The following EFNA5 variants were observed in gnomAD, a reference collection of about 807,000 sequenced individuals.
EFNA5 encodes the protein ephrin-A5.
A neutral mutation model predicts 22.9 loss-of-function variants in EFNA5; 5 were observed. The observed-to-expected ratio is 0.22, with a 90% confidence interval of 0.11 to 0.46. The LOEUF (loss-of-function observed/expected upper bound fraction) is 0.46. EFNA5 is among the 20% of genes least tolerant of loss of function. The pLI, the probability that EFNA5 is intolerant of heterozygous loss-of-function variation, is 0.99. For missense variants in EFNA5, 237 were observed against 293.3 expected (o/e 0.81, Z 1.40); for synonymous variants, 113 against 112.2 (o/e 1.01, Z -0.04).
intron 1 of EFNA5, among the ~76,000 whole-genome samples, chr5:107,576,706 A>C (rs1765322052): frequency 6.6e-6 from 1 of 152,230 alleles, no homozygotes; most frequent in African/African-American, 2.4e-5. Context: ...GGTTCTTATA[A>C]AGCTGCTAAC....
chr5:107,471,120 A>C (rs973933116), intron 1 of EFNA5, among the ~76,000 whole-genome samples: 1 of 152,110 alleles, frequency 6.6e-6, no homozygotes, highest in African/African-American at 2.4e-5. Context: ...CCAGGTTAGG[A>C]ACCCCAGTGA....
chr5:107,596,088 T>G (rs1336087753), intron 1 of EFNA5, among the ~76,000 whole-genome samples: 2 of 152,232 alleles, frequency 1.3e-5, no homozygotes, highest in African/African-American at 4.8e-5. Flanking sequence ...AACATTTTAC[T>G]TAATACTACT....
At chr5:107,398,795 C>A (rs961988710) in intron 2 of EFNA5, among the ~76,000 whole-genome samples, 1 of 142,052 alleles carries the variant, frequency 7.0e-6, no homozygotes, top group Admixed American at 7.5e-5. Context: ...GTCAAAGCTG[C>A]AGTGAGCCGT....
At chr5:107,470,637 C>T (rs755178452) in intron 1 of EFNA5, among the ~76,000 whole-genome samples, 4 of 152,316 alleles carry the variant, frequency 2.6e-5, no homozygotes, top group East Asian at 3.9e-4. Flanking sequence ...TCAATTTCGG[C>T]ACTCCTTCAA....
At chr5:107,575,655 T>C (rs1748912949) in intron 1 of EFNA5, among the ~76,000 whole-genome samples, 1 of 152,152 alleles carries the variant, frequency 6.6e-6, no homozygotes, top group Non-Finnish European at 1.5e-5. Flanking sequence ...CCTACTGAGC[T>C]CAATGAAAAC....
chr5:107,382,753 C>G lies in EFNA5; in HGVS notation c.566-1377G>C, dbSNP rs147059667. On this transcript the variant is annotated intron_variant, in intron 4 of 4. Coordinates refer to ENST00000333274, the MANE Select transcript of EFNA5 (RefSeq NM_001962.3). ...CCCTGTGCAAATTTTATCTCAGCAT[C>G]AGGGTAACTTCCTGCAGGTGTTCAG... Among the ~76,000 whole-genome samples the G allele has an allele frequency of 5.3e-3, 807 of 152,274 alleles. 5 individuals carry two copies. The highest frequency in any genetic ancestry group is 0.018 in the African/African-American group (734 of 41,554).
At chr5:107,436,642 C>A (rs1178238615) in intron 1 of EFNA5, among the ~76,000 whole-genome samples, 2 of 152,076 alleles carry the variant, frequency 1.3e-5, no homozygotes, top group Non-Finnish European at 2.9e-5. Context: ...TTTACACCCC[C>A]CAGCCCCAAC....
intron 1 of EFNA5, among the ~76,000 whole-genome samples, chr5:107,461,687 C>T (rs1749840294): frequency 6.6e-6 from 1 of 152,094 alleles, no homozygotes; most frequent in Admixed American, 6.6e-5. Context: ...CCTGTTATTA[C>T]CTCTTTAAAC....
intron 1 of EFNA5, among the ~76,000 whole-genome samples, chr5:107,434,940 A>C (rs1311549446): frequency 6.6e-6 from 1 of 152,232 alleles, no homozygotes. Flanking sequence ...TCTGAAATTG[A>C]AATGTAAAAG....
Position 107,591,899 on chromosome 5 carries a change from A to T in EFNA5, c.125+78590T>A, listed in dbSNP as rs1262031684. ...AATATATAATATATATATTATATATAATATATAATATAAAAAATATATATA... is the reference window on the plus strand; with the variant it reads ...AATATATAATATATATATTATATATTATATATAATATAAAAAATATATATA... On this transcript the variant is annotated intron_variant, in intron 1 of 4. Transcript: ENST00000333274. Among the ~76,000 whole-genome samples, 15 of 12,344 alleles carry T rather than the reference A, an allele frequency of 1.2e-3. 2 individuals carry two copies. Among genetic ancestry groups the T allele is most frequent in the African/African-American group, 3.7e-3 (6 of 1,628 alleles). 8.1% of individuals were successfully genotyped at this position (12,344 alleles called of 152,430 possible).
chr5:107,482,848 CTCTCTCTCTCTCTCTCTCTCTCTATA>C (rs1438159731), intron 1 of EFNA5, among the ~76,000 whole-genome samples: 9 of 71,374 alleles, frequency 1.3e-4, no homozygotes, highest in Non-Finnish European at 1.1e-4. Context: ...CTCTCTCTCT[CTCTCTCTCTCTCTCTCTCTCTCTATA>C]TATATATATA....
At chr5:107,407,546 G>C (rs763867716) in intron 2 of EFNA5, among the ~76,000 whole-genome samples, 1 of 152,138 alleles carries the variant, frequency 6.6e-6, no homozygotes, top group Non-Finnish European at 1.5e-5. Context: ...CTTATCAAAA[G>C]AAAAGAGAAG....
intron 1 of EFNA5, among the ~76,000 whole-genome samples, chr5:107,638,403 T>A (rs1159385479): frequency 6.6e-6 from 1 of 152,098 alleles, no homozygotes; most frequent in Non-Finnish European, 1.5e-5. Flanking sequence ...TTCAGTTAAG[T>A]GAAATAAGTT....
intron 2 of EFNA5, among the ~76,000 whole-genome samples, chr5:107,402,259 G>T (rs1015815031): frequency 6.6e-6 from 1 of 152,252 alleles, no homozygotes; most frequent in African/African-American, 2.4e-5. Context: ...TTACAAGGAT[G>T]GCATCTAATT....
intron 1 of EFNA5, among the ~76,000 whole-genome samples, chr5:107,669,903 G>A (rs1290753885): frequency 1.3e-5 from 2 of 151,958 alleles, no homozygotes; most frequent in South Asian, 2.1e-4. Context: ...CTCAGGGGCC[G>A]AATGATTTCC....
chr5:107,387,294 C>T lies in EFNA5; in HGVS notation c.506G>A (p.Gly169Asp), dbSNP rs1747652097. ...AACATCGAAAACACGATCATGAACA[C>T]CTATAGTTTTCATACAGCTATCTAT... ...RPTNSCMKTI[G>D]VHDRVFDVND... is the part of the protein sequence containing the mutation. Residue 169 changes from glycine (G) to aspartate (D), a missense_variant, in exon 4 of 5, where the codon GGT (glycine) becomes GAT (aspartate). By Grantham distance (94) the Gly-to-Asp change is moderately conservative. This residue lies in a region of EFNA5 where 104 missense variants were observed against 114.5 expected (regional missense o/e 0.91). Transcript: ENST00000333274. 9 of 1,602,212 alleles carry T rather than the reference C, an allele frequency of 5.6e-6. No individual in the cohort carries two copies. Among genetic ancestry groups the T allele is most frequent in the Non-Finnish European group, 7.7e-6 (9 of 1,172,456 alleles).
At chr5:107,506,831 A>C (rs1165309780) in intron 1 of EFNA5, among the ~76,000 whole-genome samples, 5 of 152,228 alleles carry the variant, frequency 3.3e-5, no homozygotes, top group East Asian at 1.9e-4. Context: ...AAGGAAAAAG[A>C]CAGCTGAAAC....
chr5:107,546,004 G>A (rs1037956821), intron 1 of EFNA5, among the ~76,000 whole-genome samples: 6 of 152,060 alleles, frequency 3.9e-5, no homozygotes, highest in African/African-American at 1.4e-4. Flanking sequence ...CAAATAACAT[G>A]CCTGCAATCA....
At chr5:107,628,372 A>G (rs1040038277) in intron 1 of EFNA5, among the ~76,000 whole-genome samples, 1 of 152,204 alleles carries the variant, frequency 6.6e-6, no homozygotes, top group Non-Finnish European at 1.5e-5. Flanking sequence ...TACTTTAGAC[A>G]GTTCCTGTTA....
Sources: gnomAD v4.1 joint callset for allele counts (sites outside exome capture counted in the v4.1 genomes callset) on GRCh38, gnomAD v4.1.1 for gene constraint, gnomAD v4.1.1 regional missense constraint, MANE v1.5 for transcripts, NCBI Gene and HGNC (gene_info 2026-07-23, HGNC 2026-07-21) for gene names.